TLCD3B: variants seen among roughly 807,000 people sequenced by gnomAD.
TLCD3B encodes ceramide synthase.
A neutral mutation model predicts 23.0 loss-of-function variants in TLCD3B; 9 were observed. The observed-to-expected ratio is 0.39, with a 90% CI of 0.24 to 0.68. The LOEUF (loss-of-function observed/expected upper bound fraction) is 0.68. Among genes scored for constraint, TLCD3B ranks in the 30% least tolerant of loss-of-function variants. The pLI, the probability that TLCD3B is intolerant of heterozygous loss-of-function variation, is 0.44. For missense variants in TLCD3B, 307 were observed against 371.8 expected (o/e 0.83, Z 1.43); for synonymous variants, 161 against 161.0 (o/e 1.00, Z 0.00).
intron 2 of TLCD3B, among the ~76,000 whole-genome samples, chr16:30,042,249 AT>A (rs1210100603): frequency 6.6e-6 from 1 of 150,964 alleles, no homozygotes; most frequent in Admixed American, 6.6e-5. Context: ...ATTTTATTTT[AT>A]TTTTTTCAGA....
Position 30,030,089 on chromosome 16 carries a change from G to A in TLCD3B, c.125+314C>T, listed in dbSNP as rs2071308093. ...AATGACACCTAGCTGTCTGGCCCTG[G>A]CCTCAGTCCCTAATGTCTTATAGGA... On this transcript the variant is annotated intron_variant, in intron 1 of 4. Transcript: ENST00000380495. The A allele has an allele frequency of 4.3e-6, 6 of 1,383,434 alleles. No individual in the cohort carries two copies. In the South Asian group the frequency reaches 4.9e-5, roughly 11 times the overall value. 85.7% of individuals were successfully genotyped at this position (1,383,434 alleles called of 1,614,324 possible). A position where few individuals can be genotyped will look rare whatever the true frequency, so the allele number is the denominator to read the frequency against.
chr16:30,043,487 C>T (rs1281457482), intron 2 of TLCD3B, among the ~76,000 whole-genome samples: 4 of 151,996 alleles, frequency 2.6e-5, no homozygotes, highest in African/African-American at 9.7e-5. Context: ...CTTGGCCTCC[C>T]GAAGTGCTGG....
chr16:30,051,607 C>A (rs1277298243), intron 1 of TLCD3B, among the ~76,000 whole-genome samples: 1 of 151,878 alleles, frequency 6.6e-6, no homozygotes, highest in Non-Finnish European at 1.5e-5. Flanking sequence ...GCTCCCAGGG[C>A]TAGGCCAAGT....
chr16:30,026,401 G>A (rs919650569), intron 3 of TLCD3B, among the ~76,000 whole-genome samples: 6 of 152,108 alleles, frequency 3.9e-5, no homozygotes, highest in African/African-American at 1.4e-4. Flanking sequence ...GCCGGGCATC[G>A]TCCAGCCCAG....
chr16:30,047,353 C>T (rs1485857649), intron 1 of TLCD3B, among the ~76,000 whole-genome samples: 4 of 151,664 alleles, frequency 2.6e-5, no homozygotes, highest in Non-Finnish European at 5.9e-5. Context: ...ATGGAGTCTT[C>T]CTCTGTCACC....
intron 1 of TLCD3B, chr16:30,052,706 T>C (rs1388183122): frequency 1.4e-5 from 2 of 143,428 alleles, no homozygotes; most frequent in Non-Finnish European, 1.5e-5. Context: ...CAAAAATAAA[T>C]AAATAAATAA....
At chr16:30,036,792 A>C (rs146051467) in intron 3 of TLCD3B, among the ~76,000 whole-genome samples, 3 of 152,178 alleles carry the variant, frequency 2.0e-5, no homozygotes, top group African/African-American at 7.2e-5. Flanking sequence ...GGGAAATAAG[A>C]GCAGGTGCAG....
At chr16:30,046,170 G>C (rs371373681) in intron 2 of TLCD3B, among the ~76,000 whole-genome samples, 1 of 152,030 alleles carries the variant, frequency 6.6e-6, no homozygotes, top group Non-Finnish European at 1.5e-5. Flanking sequence ...GTGTGGAGGG[G>C]CAGTGCAGGG....
In TLCD3B at chr16:30,029,999, C is replaced by G; in HGVS notation, c.125+404G>C. Reference sequence around the variant, plus strand: ...CCAGCCTCCACTCTGCACTCTGGCCCTGTTCTAGGGGTGTAGAGTTGTACC... The same window carrying G: ...CCAGCCTCCACTCTGCACTCTGGCCGTGTTCTAGGGGTGTAGAGTTGTACC... On this transcript the variant is annotated intron_variant, in intron 1 of 4. Coordinates refer to ENST00000380495, the MANE Select transcript of TLCD3B (RefSeq NM_031478.6). The surrounding 1 kb of genome is among the most constrained non-coding windows in gnomAD (Gnocchi z 4.6). The G allele has an allele frequency of 7.6e-7, 1 of 1,315,106 alleles. No homozygotes were observed. Among genetic ancestry groups the G allele is most frequent in the Non-Finnish European group, 1.0e-6 (1 of 994,778 alleles). 81.5% of individuals were successfully genotyped at this position (1,315,106 alleles called of 1,614,324 possible). A position where few individuals can be genotyped will look rare whatever the true frequency, so the allele number is the denominator to read the frequency against.
intron 2 of TLCD3B, among the ~76,000 whole-genome samples, chr16:30,041,778 A>C (rs2071583309): frequency 6.6e-6 from 1 of 151,466 alleles, no homozygotes; most frequent in Non-Finnish European, 1.5e-5. Context: ...CGCCCAGCCG[A>C]GATATCTTTT....
chr16:30,039,103 CTTTTTTTTTTTTTTT>C (rs1018184417), intron 3 of TLCD3B, among the ~76,000 whole-genome samples: 1 of 99,616 alleles, frequency 1.0e-5, no homozygotes, highest in Non-Finnish European at 1.9e-5. Context: ...TCCTTCCTCT[CTTTTTTTTTTTTTTT>C]TTTTTTTTTT....
intron 1 of TLCD3B, among the ~76,000 whole-genome samples, chr16:30,050,845 T>C (rs1385897411): frequency 6.6e-6 from 1 of 151,976 alleles, no homozygotes; most frequent in African/African-American, 2.4e-5. Context: ...TGGACAAAAA[T>C]AGGTATATGG....
chr16:30,028,759 G>C (rs1210057061), intron 2 of TLCD3B, among the ~76,000 whole-genome samples: 1 of 152,172 alleles, frequency 6.6e-6, no homozygotes, highest in Non-Finnish European at 1.5e-5. Flanking sequence ...CAAAGGGGGC[G>C]TTGTGGGCAC....
At chr16:30,047,705 C>T (rs548507221) in intron 1 of TLCD3B, among the ~76,000 whole-genome samples, 11 of 151,480 alleles carry the variant, frequency 7.3e-5, no homozygotes, top group South Asian at 4.2e-4. Flanking sequence ...GTGATCCACC[C>T]GCCTCAGCCT....
upstream of TLCD3B, among the ~76,000 whole-genome samples, chr16:30,034,028 C>T (rs116919521): frequency 1.6e-4 from 25 of 151,672 alleles, 1 homozygote; most frequent in East Asian, 4.9e-3. Flanking sequence ...GTCTCAGCTA[C>T]TCAGGAAGCC....
At chr16:30,036,549 T>C (rs1417285813) in intron 3 of TLCD3B, 1 of 553,492 alleles carries the variant, frequency 1.8e-6, no homozygotes, top group Non-Finnish European at 2.8e-6. Context: ...ACGAGGCTGC[T>C]CTGTAGAGGC....
intron 3 of TLCD3B, among the ~76,000 whole-genome samples, chr16:30,038,416 C>T (rs942768858): frequency 6.6e-6 from 1 of 152,154 alleles, no homozygotes; most frequent in Non-Finnish European, 1.5e-5. Context: ...CACGAGACTG[C>T]ACTCCAGCCT....
chr16:30,037,377 T>A (rs1386876576), intron 3 of TLCD3B, among the ~76,000 whole-genome samples: 2 of 151,306 alleles, frequency 1.3e-5, no homozygotes, highest in Non-Finnish European at 2.9e-5. Flanking sequence ...CCTGTCTCTA[T>A]TAAAAATACA....
chr16:30,036,189 T>C (rs1173631207), upstream of TLCD3B: 5 of 1,288,074 alleles, frequency 3.9e-6, no homozygotes, highest in African/African-American at 1.5e-5. Context: ...GAAAGGGAGG[T>C]TGATGTTTCT....
Sources: gnomAD v4.1 joint callset for allele counts (sites outside exome capture counted in the v4.1 genomes callset) on GRCh38, gnomAD v4.1.1 for gene constraint, Gnocchi (gnomAD v3.1) non-coding constraint, MANE v1.5 for transcripts, NCBI Gene and HGNC (gene_info 2026-07-23, HGNC 2026-07-21) for gene names.